The following DRC8 variants were observed in gnomAD, a reference collection of about 807,000 sequenced individuals.
DRC8 encodes the protein dynein regulatory complex subunit 8.
chr1:244,969,778 C>T, the DRC8 span: 38 of 276,018 alleles, frequency 1.4e-4, no homozygotes, highest in East Asian at 2.8e-3. Flanking sequence ...GCTGTGCTGT[C>T]GCTTTCTCTG....
the DRC8 span, chr1:245,017,398 T>C: frequency 6.3e-5 from 91 of 1,433,350 alleles, no homozygotes; most frequent in Non-Finnish European, 7.6e-5. Flanking sequence ...AGAGAGCTAT[T>C]TTCTCTTTTT....
At chr1:245,117,302 C>T in the DRC8 span, among the ~76,000 whole-genome samples, 3 of 151,780 alleles carry the variant, frequency 2.0e-5, no homozygotes, top group East Asian at 5.9e-4. Context: ...GATCCACCTG[C>T]CTCAGCCTCC....
the DRC8 span, chr1:245,059,407 G>A: frequency 5.0e-6 from 8 of 1,611,628 alleles, no homozygotes; most frequent in African/African-American, 1.3e-5. Context: ...CAATTATCAG[G>A]TCATTAGGAT....
the DRC8 span, chr1:245,087,318 T>C: frequency 6.2e-7 from 1 of 1,611,028 alleles, no homozygotes; most frequent in East Asian, 2.2e-5. Context: ...ATTCAATTAA[T>C]TACAAGGACT....
the DRC8 span, among the ~76,000 whole-genome samples, chr1:244,982,222 A>G: frequency 4.5e-4 from 68 of 152,336 alleles, no homozygotes; most frequent in African/African-American, 1.6e-3. Flanking sequence ...GATTACTATC[A>G]TGTCTGGCTT....
At chr1:245,039,532 C>G in the DRC8 span, among the ~76,000 whole-genome samples, 1 of 151,144 alleles carries the variant, frequency 6.6e-6, no homozygotes, top group South Asian at 2.1e-4. Context: ...TACATAACTA[C>G]ACTACAATGA....
the DRC8 span, among the ~76,000 whole-genome samples, chr1:245,010,247 T>C: frequency 2.0e-5 from 3 of 152,142 alleles, no homozygotes; most frequent in Admixed American, 2.0e-4. Flanking sequence ...AAGTAGCCCA[T>C]AGTATGTGAA....
At chr1:245,118,784 C>T in the DRC8 span, among the ~76,000 whole-genome samples, 21 of 55,608 alleles carry the variant, frequency 3.8e-4, no homozygotes, top group Admixed American at 1.6e-3. Context: ...AAGAGCAAAA[C>T]GCCATCTCAA....
chr1:245,089,130 C>T, the DRC8 span, among the ~76,000 whole-genome samples: 129 of 152,252 alleles, frequency 8.5e-4, 1 homozygote, highest in South Asian at 0.025. The surrounding 1 kb of genome is among the most constrained non-coding windows in gnomAD (Gnocchi z 4.8). Flanking sequence ...AAAAGTCAAG[C>T]ATGAATCCCA....
the DRC8 span, among the ~76,000 whole-genome samples, chr1:245,079,084 C>G: frequency 5.3e-5 from 8 of 152,062 alleles, no homozygotes; most frequent in Non-Finnish European, 1.2e-4. Context: ...AATATAAAAT[C>G]CTTTTATAAT....
chr1:245,106,771 G>A, the DRC8 span, among the ~76,000 whole-genome samples: 39 of 152,214 alleles, frequency 2.6e-4, no homozygotes, highest in Non-Finnish European at 5.0e-4. Context: ...GTGGCCTGGT[G>A]CAGTGGTTCA....
the DRC8 span, among the ~76,000 whole-genome samples, chr1:244,986,604 C>T: frequency 1.4e-3 from 216 of 152,098 alleles, 2 homozygotes; most frequent in African/African-American, 5.0e-3. Context: ...TGTGATGGCA[C>T]GAGCCTGGAG....
the DRC8 span, among the ~76,000 whole-genome samples, chr1:245,081,120 TTTATTTTA>T: frequency 2.7e-5 from 4 of 149,912 alleles, no homozygotes; most frequent in Non-Finnish European, 5.9e-5. Context: ...TTATTTTTAT[TTTATTTTA>T]TTATTTTATT....
the DRC8 span, chr1:245,123,199 T>C: frequency 6.6e-6 from 1 of 152,138 alleles, no homozygotes; most frequent in Non-Finnish European, 1.5e-5. This position sits in a 1 kb window ranked among gnomAD's most constrained non-coding sequence, Gnocchi z 5.0. Context: ...GGACCGTAGG[T>C]TTTGCTTCAT....
At chr1:245,016,121 A>G in the DRC8 span, among the ~76,000 whole-genome samples, 3,548 of 151,986 alleles carry the variant, frequency 0.023, 154 homozygotes, top group African/African-American at 0.082. Flanking sequence ...TGCTGGGATT[A>G]CAGTTATGCG....
chr1:245,068,729 T>A, the DRC8 span, among the ~76,000 whole-genome samples: 1 of 151,898 alleles, frequency 6.6e-6, no homozygotes, highest in Non-Finnish European at 1.5e-5. Flanking sequence ...GGTGTGAGCA[T>A]GTGAGCCACC....
chr1:245,120,252 CAGGT>C, the DRC8 span, among the ~76,000 whole-genome samples: 1 of 152,206 alleles, frequency 6.6e-6, no homozygotes, highest in Non-Finnish European at 1.5e-5. Context: ...TGTGAACAGG[CAGGT>C]AGCATCCTTA....
the DRC8 span, among the ~76,000 whole-genome samples, chr1:245,098,776 C>G: frequency 8.5e-5 from 13 of 152,226 alleles, no homozygotes; most frequent in African/African-American, 3.1e-4. Context: ...GAGGACCATT[C>G]TTCTCTGAGT....
At chr1:245,015,723 A>AG in the DRC8 span, 2 of 284,056 alleles carry the variant, frequency 7.0e-6, no homozygotes, top group African/African-American at 4.8e-5. Flanking sequence ...AAAAAAAAAA[A>AG]AAGAAAGAAA....
Sources: allele counts gnomAD v4.1 joint callset (sites outside exome capture counted in the v4.1 genomes callset), GRCh38; gene constraint gnomAD v4.1.1; non-coding constraint Gnocchi (gnomAD v3.1); transcripts MANE v1.5; gene names NCBI Gene and HGNC (gene_info 2026-07-23, HGNC 2026-07-21).